BRIP1: variants seen among roughly 807,000 people sequenced by gnomAD.
The protein encoded by BRIP1 is Fanconi anemia group J protein.
In BRIP1, 88 loss-of-function variants were observed where a neutral mutation model predicts 119.7. The ratio of observed to expected loss-of-function variants is 0.74; its 90% CI spans 0.62 to 0.88. The LOEUF is 0.88. BRIP1 is among the 40% of genes least tolerant of loss of function. The pLI, the probability that BRIP1 is intolerant of heterozygous loss-of-function variation, is 0.00. For missense variants in BRIP1, 1,259 were observed against 1,455.4 expected, an observed-to-expected ratio of 0.87 and a Z score of 2.20; for synonymous variants, 443 against 496.5, an observed-to-expected ratio of 0.89 and a Z score of 1.43.
In BRIP1 at chr17:61,760,331, T is replaced by TG. The variant is rs1157760451; in HGVS notation, c.2098-15741dup. Among the ~76,000 whole-genome samples the TG allele has an allele frequency of 2.0e-5, 3 of 151,546 alleles. No homozygotes were observed. Among genetic ancestry groups the TG allele is most frequent in the Non-Finnish European group, 4.4e-5 (3 of 67,800 alleles). On this transcript the variant is annotated intron_variant, in intron 14 of 19. Transcript: ENST00000259008. This position sits in a 1 kb window ranked among gnomAD's most constrained non-coding sequence, Gnocchi z 4.6. ...TAAGAGGAAAGTTTACAATAACAAA[T>TG]GCCTACATCAAAAAAGAAGATCCCA...
chr17:61,822,267 AT>A lies in BRIP1; in HGVS notation c.628-13511del, dbSNP rs1294568222. Among the ~76,000 whole-genome samples the A allele has an allele frequency of 6.6e-6, 1 of 152,206 alleles. No homozygotes were observed. Among genetic ancestry groups the A allele is most frequent in the Non-Finnish European group, 1.5e-5 (1 of 68,038 alleles). ...CTGTAAAATCTTTGATGTTACTAGA[AT>A]TTTTATAAGCAAATATCACTTTTAT... On this transcript the variant is annotated intron_variant, in intron 6 of 19. Coordinates refer to ENST00000259008, the MANE Select transcript of BRIP1 (RefSeq NM_032043.3). This position sits in a 1 kb window ranked among gnomAD's most constrained non-coding sequence, Gnocchi z 4.4.
rs535663676 is a variant in BRIP1, at chr17:61,754,780, C to T, written c.2098-10189G>A. Among the ~76,000 whole-genome samples, 1 of 152,124 alleles carries T rather than the reference C, an allele frequency of 6.6e-6. No individual in the cohort carries two copies. Among genetic ancestry groups the T allele is most frequent in the Non-Finnish European group, 1.5e-5 (1 of 68,024 alleles). ...CTTCTGTGTCCTCACATGGCCTTTC[C>T]TCTCTATTCAGAGAGGAACAGGGAG... is the stretch of plus-strand genomic sequence containing the variant. On this transcript the variant is annotated intron_variant, in intron 14 of 19. Transcript: ENST00000259008. The surrounding 1 kb of genome is among the most constrained non-coding windows in gnomAD (Gnocchi z 4.1).
rs751705238 is a variant in BRIP1 at position 61,852,646 on chromosome 17, C to T, written c.380-3390G>A. Among the ~76,000 whole-genome samples, 7 of 151,978 alleles carry T rather than the reference C, an allele frequency of 4.6e-5. No homozygotes were observed. The highest frequency in any genetic ancestry group is 1.0e-4 in the Non-Finnish European group (7 of 67,994). On this transcript the variant is annotated intron_variant, in intron 4 of 19. Coordinates refer to ENST00000259008, the MANE Select transcript of BRIP1 (RefSeq NM_032043.3). The surrounding 1 kb of genome is among the most constrained non-coding windows in gnomAD (Gnocchi z 4.9). ...TCGCACCACTGCACTCTAGCCTGAGCGACAGAGTGAGACCCCACCTCAAAT... is the reference window on the plus strand; with the variant it reads ...TCGCACCACTGCACTCTAGCCTGAGTGACAGAGTGAGACCCCACCTCAAAT...
At position 61,705,056 on chromosome 17, in the gene BRIP1, A is replaced by T. The variant is rs946691978; in HGVS notation, c.2492+10895T>A. Among the ~76,000 whole-genome samples the T allele has an allele frequency of 3.9e-5, 6 of 152,152 alleles. No homozygotes were observed. Among genetic ancestry groups the T allele is most frequent in the Non-Finnish European group, 5.9e-5 (4 of 68,018 alleles). On this transcript the variant is annotated intron_variant, in intron 17 of 19. Coordinates refer to ENST00000259008, the MANE Select transcript of BRIP1 (RefSeq NM_032043.3). The surrounding 1 kb of genome is among the most constrained non-coding windows in gnomAD (Gnocchi z 5.0). ...TACCCAGAAAGCAAGCATAGAACAC[A>T]ATAGGTAGTTTTTCAACCCTTGCTT...
rs569608880 is a variant in BRIP1, at chr17:61,695,028, G to A, written c.2493-1516C>T. 1.8e-3 allele frequency among the ~76,000 whole-genome samples: 273 copies of A among 151,922 alleles called. 1 individual carries two copies. Among genetic ancestry groups the A allele is most frequent in the Middle Eastern group, 0.017 (5 of 292 alleles). On this transcript the variant is annotated intron_variant, in intron 17 of 19. Transcript: ENST00000259008. The surrounding 1 kb of genome is among the most constrained non-coding windows in gnomAD (Gnocchi z 4.3). ...GAATAAAAATTTGAACTGTAACAAA[G>A]TCCAATTTATCTGCTTTTTCTTTGG... is the stretch of plus-strand genomic sequence containing the variant.
chr17:61,779,534 C>G (rs377627107), intron 13 of BRIP1, among the ~76,000 whole-genome samples: 1 of 152,150 alleles, frequency 6.6e-6, no homozygotes, highest in South Asian at 2.1e-4. Context: ...GCAGGAGAAC[C>G]GCTGGAACCC....
rs1243074034 is a variant in BRIP1, at chr17:61,724,779, A to C, written c.2380-8716T>G. Among the ~76,000 whole-genome samples, 3 of 152,192 alleles carry C rather than the reference A, an allele frequency of 2.0e-5. No homozygotes were observed. The highest frequency in any genetic ancestry group is 4.4e-5 in the Non-Finnish European group (3 of 68,008). On this transcript the variant is annotated intron_variant, in intron 16 of 19. Transcript: ENST00000259008. The surrounding 1 kb of genome is among the most constrained non-coding windows in gnomAD (Gnocchi z 5.1). The stretch of plus-strand genomic sequence containing the variant: ...ATAATCAGCTAAACTACATAATTAT[A>C]AAAATATTAAGAAAACTCTGCTTCA...
chr17:61,826,632 G>A (rs997130466), intron 6 of BRIP1, among the ~76,000 whole-genome samples: 1 of 148,524 alleles, frequency 6.7e-6, no homozygotes, highest in Non-Finnish European at 1.5e-5. Context: ...ACAATCCTAT[G>A]GAAAAAAGCT....
intron 13 of BRIP1, among the ~76,000 whole-genome samples, chr17:61,777,754 C>T (rs1182306609): frequency 6.6e-6 from 1 of 152,212 alleles, no homozygotes; most frequent in Non-Finnish European, 1.5e-5. Context: ...GTTCAGCTAT[C>T]TGGAAGCTCT....
At position 61,784,145 on chromosome 17, in the gene BRIP1, T is replaced by C. The variant is rs547209711; in HGVS notation, c.1628+125A>G. 59 of 812,036 alleles carry C rather than the reference T, an allele frequency of 7.3e-5. 2 individuals carry two copies. The South Asian group carries it at 1.0e-3, about 14-fold the overall frequency. The allele number at this position is 812,036 out of a possible 1,614,324, so 50.3% of individuals were successfully genotyped here. ...GTCAATAAGAGCAAATATATAATAA[T>C]ATCTATAACACTTGTTTTCAATTCT... On this transcript the variant is annotated intron_variant, in intron 11 of 19. Transcript: ENST00000259008.
rs551534259 is a variant in BRIP1 at position 61,756,521 on chromosome 17, C to T, written c.2098-11930G>A. On this transcript the variant is annotated intron_variant, in intron 14 of 19. Transcript: ENST00000259008. This position sits in a 1 kb window ranked among gnomAD's most constrained non-coding sequence, Gnocchi z 4.3. ...TGTTCACATCACTTCAATTTGTTAA[C>T]CTCAGAGGCAATTTTTTTTAAAGTC... Among the ~76,000 whole-genome samples, 40 of 152,266 alleles carry T rather than the reference C, an allele frequency of 2.6e-4. 1 individual carries two copies. In the South Asian group the frequency reaches 7.9e-3, roughly 30 times the overall value.
chr17:61,837,158 AT>A (rs1018035357), intron 6 of BRIP1, among the ~76,000 whole-genome samples: 101 of 152,350 alleles, frequency 6.6e-4, no homozygotes, highest in African/African-American at 2.3e-3. Flanking sequence ...ATGAACCTGT[AT>A]TTGCCAGGTG....
At position 61,823,054 on chromosome 17, in the gene BRIP1, C is replaced by T. The variant is rs2078349914; in HGVS notation, c.628-14297G>A. Among the ~76,000 whole-genome samples, 2 of 152,200 alleles carry T rather than the reference C, an allele frequency of 1.3e-5. No individual in the cohort carries two copies. The highest frequency in any genetic ancestry group is 2.9e-5 in the Non-Finnish European group (2 of 68,034). ...ACTGCCCTGATGTGTGCCTACTTCA[C>T]TAAACCTCAAAAGCATCTTTCTTTA... On this transcript the variant is annotated intron_variant, in intron 6 of 19. Transcript: ENST00000259008. This position sits in a 1 kb window ranked among gnomAD's most constrained non-coding sequence, Gnocchi z 4.8.
In BRIP1 at chr17:61,725,043, T is replaced by G. The variant is rs1462763120; in HGVS notation, c.2380-8980A>C. 1.3e-5 allele frequency among the ~76,000 whole-genome samples: 2 copies of G among 152,198 alleles called. No individual in the cohort carries two copies. The highest frequency in any genetic ancestry group is 2.9e-5 in the Non-Finnish European group (2 of 68,018). On this transcript the variant is annotated intron_variant, in intron 16 of 19. Transcript: ENST00000259008. The surrounding 1 kb of genome is among the most constrained non-coding windows in gnomAD (Gnocchi z 5.3). ...GCATAAGATCTTGTATGTGATATAATTTAGCTAGATTAAAAAGAATATAGC... is the reference window on the plus strand; with the variant it reads ...GCATAAGATCTTGTATGTGATATAAGTTAGCTAGATTAAAAAGAATATAGC...
rs771654971 is a variant in BRIP1 at position 61,683,785 on chromosome 17, A to AT, written c.3260dup (p.Asn1087LysfsTer4). ...CAGAACAGAGCGGATGTTCAGAATG[A>AT]TTTTTTCTAGTAAGGGTGGCATCAA... On this transcript the variant is annotated frameshift_variant, in exon 20 of 20. Transcript: ENST00000259008. LOFTEE classifies it low-confidence loss of function (END_TRUNC). The surrounding 1 kb of genome is among the most constrained non-coding windows in gnomAD (Gnocchi z 4.7). 2.5e-6 allele frequency: 4 copies of AT among 1,614,132 alleles called. No homozygotes were observed. The highest frequency in any genetic ancestry group is 2.2e-5 in the East Asian group (1 of 44,880).
rs1019769855 is a variant in BRIP1 at position 61,836,735 on chromosome 17, T to C, written c.627+10366A>G. On this transcript the variant is annotated intron_variant, in intron 6 of 19. Coordinates refer to ENST00000259008, the MANE Select transcript of BRIP1 (RefSeq NM_032043.3). Reference sequence around the variant, plus strand: ...ACAAATAAATAAATAATTATAAATTTGGGTAAGCATTGTAAATGCTTAGAT... The same window carrying C: ...ACAAATAAATAAATAATTATAAATTCGGGTAAGCATTGTAAATGCTTAGAT... Among the ~76,000 whole-genome samples, 9 of 152,274 alleles carry C rather than the reference T, an allele frequency of 5.9e-5. 1 individual carries two copies. The South Asian group carries it at 1.9e-3, about 32-fold the overall frequency.
chr17:61,793,805 CATT>C lies in BRIP1; in HGVS notation c.1341-79_1341-77del, dbSNP rs2145247712. ...TATTTCAGCAGAACAAGAGAATCAT[CATT>C]ATTGTCATGCGTTGATCTGTATATC... On this transcript the variant is annotated intron_variant, in intron 9 of 19. Coordinates refer to ENST00000259008, the MANE Select transcript of BRIP1 (RefSeq NM_032043.3). The surrounding 1 kb of genome is among the most constrained non-coding windows in gnomAD (Gnocchi z 5.2). The C allele has an allele frequency of 6.9e-7, 1 of 1,443,066 alleles. No individual in the cohort carries two copies. The highest frequency in any genetic ancestry group is 9.5e-7 in the Non-Finnish European group (1 of 1,055,384). 89.4% of individuals were successfully genotyped at this position (1,443,066 alleles called of 1,614,324 possible).
At chr17:61,829,628 G>A (rs972106500) in intron 6 of BRIP1, among the ~76,000 whole-genome samples, 11 of 151,984 alleles carry the variant, frequency 7.2e-5, no homozygotes, top group African/African-American at 1.9e-4. Flanking sequence ...AAGACAGATC[G>A]TCAAATTTAA....
At position 61,687,854 on chromosome 17, in the gene BRIP1, G is replaced by A. The variant is rs116206196; in HGVS notation, c.2576-1689C>T. On this transcript the variant is annotated intron_variant, in intron 18 of 19. Coordinates refer to ENST00000259008, the MANE Select transcript of BRIP1 (RefSeq NM_032043.3). The surrounding 1 kb of genome is among the most constrained non-coding windows in gnomAD (Gnocchi z 5.1). ...CTTCCTGGGGAGAAAAGAGAAAACTGGACCTTATGTCTTTTTCTGGGAGGC... is the reference window on the plus strand; with the variant it reads ...CTTCCTGGGGAGAAAAGAGAAAACTAGACCTTATGTCTTTTTCTGGGAGGC... Among the ~76,000 whole-genome samples, 1,394 of 152,204 alleles carry A rather than the reference G, an allele frequency of 9.2e-3. 19 individuals are homozygous for A. The highest frequency in any genetic ancestry group is 0.032 in the African/African-American group (1,341 of 41,528).
Sources: gnomAD v4.1 joint callset for allele counts (sites outside exome capture counted in the v4.1 genomes callset) on GRCh38, gnomAD v4.1.1 for gene constraint, Gnocchi (gnomAD v3.1) non-coding constraint, MANE v1.5 for transcripts, NCBI Gene and HGNC (gene_info 2026-07-23, HGNC 2026-07-21) for gene names.